CD96: variants seen among roughly 807,000 people sequenced by gnomAD.
CD96 encodes T-cell surface protein tactile.
A neutral mutation model predicts 71.3 loss-of-function variants in CD96; 70 were observed. That is an observed-to-expected ratio of 0.98 (90% CI 0.81 to 1.20). The LOEUF is 1.20. Ranked by LOEUF, CD96 falls within the 50% of genes most tolerant of loss-of-function variation. CD96 has a pLI of 0.00. For missense variants in CD96, 742 were observed against 677.5 expected (o/e 1.10, Z -1.06); for synonymous variants, 248 against 233.0 (o/e 1.06, Z -0.59).
At chr3:111,544,955 C>T (rs546708188) in intron 1 of CD96, 91 bp from the exon 2 acceptor site, 2 of 1,061,818 alleles carry the variant, frequency 1.9e-6, no homozygotes, top group South Asian at 2.5e-5. Context: ...CTCAGTTGCT[C>T]CCCTCACCTT....
intron 8 of CD96, among the ~76,000 whole-genome samples, chr3:111,621,554 G>T (rs545900768): frequency 3.9e-5 from 6 of 152,338 alleles, no homozygotes; most frequent in African/African-American, 1.4e-4. Flanking sequence ...TTGAAAAGAG[G>T]TAACTGAAGG....
intron 1 of CD96, 105 bp downstream of exon 1, chr3:111,542,414 A>ACTGC (rs58224057): frequency 2.4e-6 from 2 of 818,992 alleles, no homozygotes; most frequent in African/African-American, 1.7e-5. Context: ...ATTGATCACC[A>ACTGC]AAGGACAAAT....
intron 12 of CD96, among the ~76,000 whole-genome samples, chr3:111,642,812 A>T (rs12695245): frequency 0.12 from 18,025 of 152,046 alleles, 1,429 homozygotes; most frequent in East Asian, 0.28. Context: ...GCCTAAAAAA[A>T]AAATAAATAA....
At chr3:111,664,320 T>C (rs2107824479) in intron 14 of CD96, among the ~76,000 whole-genome samples, 1 of 152,342 alleles carries the variant, frequency 6.6e-6, no homozygotes, top group African/African-American at 2.4e-5. Flanking sequence ...TGGAATACTA[T>C]GCAGCCATTA....
At position 111,649,717 on chromosome 3, in the gene CD96, T is replaced by G. The variant is rs773379770; in HGVS notation, c.1621T>G (p.Phe541Val). ...QKEIMERPPP[F>V]KPPPPPIKYT... Reference sequence around the variant, plus strand: ...TCCTAGAATGGAAAGACCTCCACCTTTCAAGCCACCACCACCTCCCATCAA... The same window carrying G: ...TCCTAGAATGGAAAGACCTCCACCTGTCAAGCCACCACCACCTCCCATCAA... Residue 541 changes from phenylalanine (F) to valine (V), a missense_variant, in exon 14 of 14, where the codon TTC becomes GTC. Coordinates refer to ENST00000352690, the MANE Select transcript of CD96 (RefSeq NM_005816.5). 5.0e-6 allele frequency: 8 copies of G among 1,613,648 alleles called. No individual in the cohort carries two copies. Among genetic ancestry groups the G allele is most frequent in the Non-Finnish European group, 5.9e-6 (7 of 1,179,518 alleles).
chr3:111,649,429 T>C (rs1156298563), intron 13 of CD96, among the ~76,000 whole-genome samples: 1 of 152,238 alleles, frequency 6.6e-6, no homozygotes, highest in Non-Finnish European at 1.5e-5. Flanking sequence ...CAGTTTTATC[T>C]GTAGATGGTG....
Position 111,585,317 on chromosome 3 carries a change from T to A in CD96, c.752-6T>A, listed in dbSNP as rs748742845. On this transcript the variant is annotated splice_region_variant and splice_polypyrimidine_tract_variant and intron_variant, in intron 4 of 13. Transcript: ENST00000352690. ...TGCCACTAACTATGTTTTATTTGCC[T>A]TTAAGCTAAACCAGAAATCCCTGTG... is the stretch of plus-strand genomic sequence containing the variant. 3.1e-6 allele frequency: 5 copies of A among 1,605,240 alleles called. No individual in the cohort carries two copies. Among genetic ancestry groups the A allele is most frequent in the Non-Finnish European group, 4.3e-6 (5 of 1,172,104 alleles).
chr3:111,591,600 T>C (rs908554039), intron 5 of CD96, among the ~76,000 whole-genome samples: 2 of 152,146 alleles, frequency 1.3e-5, no homozygotes, highest in Non-Finnish European at 2.9e-5. Context: ...TCCTTTTTTT[T>C]CCTAGCATCT....
intron 3 of CD96, among the ~76,000 whole-genome samples, chr3:111,568,017 G>C (rs1490600439): frequency 6.6e-6 from 1 of 152,180 alleles, no homozygotes; most frequent in Non-Finnish European, 1.5e-5. Flanking sequence ...CAGAGCTACA[G>C]ACTCCTTTCT....
At chr3:111,632,119 T>C (rs1337934529) in intron 10 of CD96, among the ~76,000 whole-genome samples, 6 of 151,996 alleles carry the variant, frequency 3.9e-5, no homozygotes, top group Admixed American at 3.3e-4. Context: ...AATTGACAAA[T>C]GGGACTTAAT....
intron 1 of CD96, among the ~76,000 whole-genome samples, chr3:111,543,077 C>T (rs1187418744): frequency 1.3e-5 from 2 of 152,302 alleles, no homozygotes; most frequent in Non-Finnish European, 2.9e-5. Flanking sequence ...GGATAGCTCA[C>T]AGGAAGTTAC....
At chr3:111,590,538 A>C (rs1018295154) in intron 5 of CD96, among the ~76,000 whole-genome samples, 7 of 152,246 alleles carry the variant, frequency 4.6e-5, no homozygotes, top group Non-Finnish European at 1.0e-4. Flanking sequence ...TACAAGACCC[A>C]AAAGCATGAT....
intron 5 of CD96, among the ~76,000 whole-genome samples, chr3:111,588,870 T>C (rs979263568): frequency 6.6e-6 from 1 of 152,208 alleles, no homozygotes; most frequent in Non-Finnish European, 1.5e-5. Flanking sequence ...CTAAGTGTAT[T>C]AGTGAACTTC....
chr3:111,601,783 G>A (rs1157458612), intron 7 of CD96, among the ~76,000 whole-genome samples: 1 of 152,100 alleles, frequency 6.6e-6, no homozygotes, highest in Admixed American at 6.5e-5. Flanking sequence ...ATTTAAGAAG[G>A]AAACAGTTTT....
In CD96 at chr3:111,651,392, C is replaced by T. The variant is rs1246531410; in HGVS notation, c.*1586C>T. On this transcript the variant is annotated 3_prime_UTR_variant, in exon 14 of 14. Coordinates refer to ENST00000352690, the MANE Select transcript of CD96 (RefSeq NM_005816.5). ...GAAAAAATTTAAGGAGGTATTCACACTCAGGGTCATGCACTTGCACAATGT... is the reference window on the plus strand; with the variant it reads ...GAAAAAATTTAAGGAGGTATTCACATTCAGGGTCATGCACTTGCACAATGT... 3.9e-5 allele frequency: 6 copies of T among 152,262 alleles called. No homozygotes were observed. In the East Asian group the frequency reaches 5.8e-4, roughly 15 times the overall value. 9.4% of individuals were successfully genotyped at this position (152,262 alleles called of 1,614,324 possible).
At chr3:111,630,029 C>T (rs184447498) in intron 10 of CD96, among the ~76,000 whole-genome samples, 11 of 152,132 alleles carry the variant, frequency 7.2e-5, no homozygotes, top group Admixed American at 1.3e-4. Flanking sequence ...AGAAGGAAAT[C>T]GATAGCACTA....
intron 4 of CD96, among the ~76,000 whole-genome samples, chr3:111,583,887 A>G (rs1340071078): frequency 6.6e-6 from 1 of 152,132 alleles, no homozygotes; most frequent in Admixed American, 6.5e-5. Context: ...GCCTGGGGAC[A>G]TTTTCCCCAT....
At chr3:111,642,637 T>G (rs1939645739) in intron 12 of CD96, among the ~76,000 whole-genome samples, 1 of 151,592 alleles carries the variant, frequency 6.6e-6, no homozygotes, top group Non-Finnish European at 1.5e-5. Flanking sequence ...TGAAAACCCG[T>G]CTCTACTAAA....
intron 2 of CD96, among the ~76,000 whole-genome samples, chr3:111,551,978 A>C (rs939053789): frequency 6.6e-6 from 1 of 152,062 alleles, no homozygotes; most frequent in Admixed American, 6.6e-5. Context: ...TTGACTTTTT[A>C]ATAATAGCCA....
Sources: gnomAD v4.1 joint callset for allele counts (sites outside exome capture counted in the v4.1 genomes callset) on GRCh38, gnomAD v4.1.1 for gene constraint, MANE v1.5 for transcripts, NCBI Gene and HGNC (gene_info 2026-07-23, HGNC 2026-07-21) for gene names.